The following CSMD1 variants were observed in gnomAD, a reference collection of about 807,000 sequenced individuals.
CSMD1 encodes the protein CUB and sushi domain-containing protein 1.
A neutral mutation model predicts 417.5 loss-of-function variants in CSMD1; 213 were observed. The observed-to-expected ratio is 0.51, with a 90% CI of 0.46 to 0.57. The LOEUF (loss-of-function observed/expected upper bound fraction) is 0.57, where lower values mean the gene tolerates loss of function less well. Among genes scored for constraint, CSMD1 ranks in the 20% least tolerant of loss-of-function variants. The pLI, the probability that CSMD1 is intolerant of heterozygous loss-of-function variation, is 0.00. For missense variants in CSMD1, 6,923 were observed against 4,529.7 expected (o/e 1.53, Z -15.17); for synonymous variants, 2,862 against 1,736.8 (o/e 1.65, Z -16.11).
At chr8:3,416,678 C>A (rs749386038) in intron 12 of CSMD1, among the ~76,000 whole-genome samples, 71 of 152,208 alleles carry the variant, frequency 4.7e-4, no homozygotes, top group Non-Finnish European at 7.4e-4. Context: ...TGGCCACATC[C>A]CCTGCTAACA....
chr8:4,875,998 A>G (rs1248510374), intron 1 of CSMD1, among the ~76,000 whole-genome samples: 1 of 152,130 alleles, frequency 6.6e-6, no homozygotes, highest in Non-Finnish European at 1.5e-5. Flanking sequence ...TTATTTTTAT[A>G]GTAAAGAGTA....
Position 3,374,820 on chromosome 8 carries a change from T to G in CSMD1, c.2783-5450A>C, listed in dbSNP as rs139166418. On this transcript the variant is annotated intron_variant, in intron 18 of 69. Transcript: ENST00000635120. ...GGGGATTCTTTAGTTATTTATTGTC[T>G]TCCCACCACCCGCACCACCCCATCA... is the stretch of plus-strand genomic sequence containing the variant. 6.4e-4 allele frequency among the ~76,000 whole-genome samples: 97 copies of G among 152,254 alleles called. 2 individuals are homozygous for G. The East Asian group carries it at 0.017, about 26-fold the overall frequency.
chr8:4,009,754 G>A (rs1426201481), intron 4 of CSMD1, among the ~76,000 whole-genome samples: 1 of 152,008 alleles, frequency 6.6e-6, no homozygotes, highest in African/African-American at 2.4e-5. Flanking sequence ...CACTCCTCCA[G>A]GAGCCAGAAT....
intron 3 of CSMD1, among the ~76,000 whole-genome samples, chr8:4,417,630 C>T (rs1006529857): frequency 6.6e-6 from 1 of 151,824 alleles, no homozygotes; most frequent in Non-Finnish European, 1.5e-5. Context: ...TTGACTCATA[C>T]CAATTACTTG....
At chr8:3,454,097 G>A (rs1164661727) in intron 12 of CSMD1, among the ~76,000 whole-genome samples, 1 of 151,964 alleles carries the variant, frequency 6.6e-6, no homozygotes, top group Non-Finnish European at 1.5e-5. Flanking sequence ...GATCTTTGTT[G>A]GTTTAAAGTC....
chr8:4,396,000 T>C (rs553113523), intron 3 of CSMD1, among the ~76,000 whole-genome samples: 178 of 152,318 alleles, frequency 1.2e-3, no homozygotes, highest in Admixed American at 4.1e-3. Context: ...AAAAATGGAA[T>C]GTTTTATAAT....
intron 3 of CSMD1, among the ~76,000 whole-genome samples, chr8:4,076,180 G>C (rs1324396005): frequency 2.0e-5 from 3 of 152,186 alleles, no homozygotes; most frequent in South Asian, 4.1e-4. Context: ...TCTCACGACA[G>C]TGAGTGAGTT....
chr8:3,907,640 C>A (rs1056687203), intron 5 of CSMD1, among the ~76,000 whole-genome samples: 2 of 152,222 alleles, frequency 1.3e-5, no homozygotes, highest in African/African-American at 4.8e-5. Flanking sequence ...TGATGAGATG[C>A]CACCTTTCAC....
At chr8:3,914,865 A>G (rs1181195033) in intron 5 of CSMD1, among the ~76,000 whole-genome samples, 1 of 152,172 alleles carries the variant, frequency 6.6e-6, no homozygotes, top group East Asian at 1.9e-4. Context: ...CACACATCAT[A>G]CAGTTTTCAG....
intron 69 of CSMD1, among the ~76,000 whole-genome samples, chr8:2,942,201 G>A (rs1342403280): frequency 6.6e-6 from 1 of 152,076 alleles, no homozygotes; most frequent in African/African-American, 2.4e-5. Flanking sequence ...AGAGCATCAA[G>A]AAGAACAGCT....
intron 37 of CSMD1, among the ~76,000 whole-genome samples, chr8:3,178,705 C>A (rs899464953): frequency 2.8e-4 from 42 of 152,152 alleles, no homozygotes; most frequent in African/African-American, 8.9e-4. Context: ...AAGTTTAGAG[C>A]AAGACCTGGC....
chr8:3,871,118 T>C (rs567943261), intron 5 of CSMD1, among the ~76,000 whole-genome samples: 2 of 152,240 alleles, frequency 1.3e-5, no homozygotes, highest in East Asian at 1.9e-4. Flanking sequence ...ATCTAGAATA[T>C]TTTCAATTTT....
intron 1 of CSMD1, among the ~76,000 whole-genome samples, chr8:4,670,710 G>C (rs536496586): frequency 6.6e-6 from 1 of 151,972 alleles, no homozygotes; most frequent in Non-Finnish European, 1.5e-5. Context: ...GTCTCTTAAG[G>C]CAGACCAGAA....
chr8:3,389,251 G>A (rs1026407751), intron 17 of CSMD1, among the ~76,000 whole-genome samples: 3 of 151,964 alleles, frequency 2.0e-5, no homozygotes, highest in Admixed American at 6.6e-5. Flanking sequence ...TGTTTTTCCC[G>A]ATCCTCTCCT....
At chr8:4,874,866 A>G (rs1194059628) in intron 1 of CSMD1, among the ~76,000 whole-genome samples, 2 of 148,532 alleles carry the variant, frequency 1.3e-5, no homozygotes, top group African/African-American at 2.5e-5. Flanking sequence ...AATATAGTAT[A>G]GTGTATATAT....
rs115499015 is a variant in CSMD1 at position 4,308,461 on chromosome 8, G to C, written c.415+111492C>G. Among the ~76,000 whole-genome samples the C allele has an allele frequency of 6.5e-3, 994 of 152,194 alleles. 8 individuals are homozygous for C. Among genetic ancestry groups the C allele is most frequent in the African/African-American group, 0.023 (951 of 41,526 alleles). ...GGAAAAAAGGTTTAGAAAAGGATGT[G>C]ATCTTCAGCGAGGGCCAATGTGAAA... On this transcript the variant is annotated intron_variant, in intron 3 of 69. Coordinates refer to ENST00000635120, the MANE Select transcript of CSMD1 (RefSeq NM_033225.6).
intron 5 of CSMD1, among the ~76,000 whole-genome samples, chr8:3,780,698 C>T (rs56250348): frequency 6.6e-6 from 1 of 152,076 alleles, no homozygotes; most frequent in Non-Finnish European, 1.5e-5. Context: ...CAGAAAGAGC[C>T]CAGCCTGGTG....
chr8:4,895,341 G>A (rs1213887342), intron 1 of CSMD1, among the ~76,000 whole-genome samples: 1 of 152,056 alleles, frequency 6.6e-6, no homozygotes, highest in Non-Finnish European at 1.5e-5. Flanking sequence ...TTCAGTTTCT[G>A]GAGTAATGTA....
chr8:4,470,962 A>T (rs1172859230), intron 2 of CSMD1, among the ~76,000 whole-genome samples: 1 of 152,208 alleles, frequency 6.6e-6, no homozygotes, highest in Non-Finnish European at 1.5e-5. Context: ...TGACATGTCA[A>T]TTCAGTGTCT....
Sources: gnomAD v4.1 joint callset for allele counts (sites outside exome capture counted in the v4.1 genomes callset) on GRCh38, gnomAD v4.1.1 for gene constraint, MANE v1.5 for transcripts, NCBI Gene and HGNC (gene_info 2026-07-23, HGNC 2026-07-21) for gene names.